The following VAMP7 variants were observed in gnomAD, a reference collection of about 807,000 sequenced individuals.
VAMP7 encodes the protein vesicle-associated membrane protein 7.
In VAMP7, 14 loss-of-function variants were observed where a neutral mutation model predicts 29.6. The observed-to-expected ratio is 0.47, with a 90% CI of 0.31 to 0.74. VAMP7 has a LOEUF of 0.74. VAMP7 is among the 30% of genes least tolerant of loss of function. The pLI is 0.05. For synonymous variants in VAMP7, 95 were observed against 88.1 expected, an observed-to-expected ratio of 1.08 and a Z score of -0.44; for missense variants, 223 against 262.4, an observed-to-expected ratio of 0.85 and a Z score of 1.04.
chrX:155,892,049 G>C (rs1406751027), intron 2 of VAMP7, among the ~76,000 whole-genome samples: 2 of 152,094 alleles, frequency 1.3e-5, no homozygotes, highest in African/African-American at 4.8e-5. Flanking sequence ...TGTATTATGA[G>C]CCAGAATTTA....
chrX:155,892,741 G>GTGT (rs2065939664), intron 2 of VAMP7, among the ~76,000 whole-genome samples: 1 of 145,890 alleles, frequency 6.9e-6, no homozygotes, highest in South Asian at 2.2e-4. Flanking sequence ...TTTTCACACT[G>GTGT]TATTATTATT....
Position 155,909,633 on chromosome X carries a change from T to C in VAMP7, c.433+9046T>C, listed in dbSNP as rs146938230. On this transcript the variant is annotated intron_variant, in intron 5 of 7. Coordinates refer to ENST00000286448, the MANE Select transcript of VAMP7 (RefSeq NM_005638.6). Reference sequence around the variant, plus strand: ...CTGCCATAACAAAATTCCATAGACGTAGTGACTTAAACAACAGAAATTTAT... The same window carrying C: ...CTGCCATAACAAAATTCCATAGACGCAGTGACTTAAACAACAGAAATTTAT... Among the ~76,000 whole-genome samples, 24 of 152,312 alleles carry C rather than the reference T, an allele frequency of 1.6e-4. No individual in the cohort carries two copies. In the East Asian group the frequency reaches 4.4e-3, roughly 28 times the overall value.
chrX:155,935,298 C>G, intron 6 of VAMP7, among the ~76,000 whole-genome samples: 1 of 152,094 alleles, frequency 6.6e-6, no homozygotes. Flanking sequence ...AGAGTGTTTT[C>G]CAACTTGGTT....
At chrX:155,916,180 C>G (rs1216172458) in intron 5 of VAMP7, among the ~76,000 whole-genome samples, 1 of 152,128 alleles carries the variant, frequency 6.6e-6, no homozygotes, top group Non-Finnish European at 1.5e-5. Context: ...ATTGCAGCCA[C>G]TGCTTTTTTT....
intron 6 of VAMP7, among the ~76,000 whole-genome samples, chrX:155,928,880 T>G (rs1188713123): frequency 6.6e-6 from 1 of 152,240 alleles, no homozygotes; most frequent in Non-Finnish European, 1.5e-5. Context: ...ATGTTCGGAT[T>G]TATTAGTTTC....
intron 2 of VAMP7, among the ~76,000 whole-genome samples, chrX:155,894,303 T>G (rs1368306760): frequency 7.0e-6 from 1 of 143,080 alleles, no homozygotes; most frequent in African/African-American, 2.6e-5. Flanking sequence ...TGTCCTTTGT[T>G]TTTTTTTTTT....
intron 4 of VAMP7, 49 bp from the exon 5 acceptor site, chrX:155,900,448 A>T: frequency 1.4e-6 from 2 of 1,425,456 alleles, no homozygotes; most frequent in Admixed American, 2.1e-5. Context: ...TTGTTTTCCT[A>T]TTGTAAATAA....
At chrX:155,915,801 A>C (rs1211165403) in intron 5 of VAMP7, among the ~76,000 whole-genome samples, 1 of 152,172 alleles carries the variant, frequency 6.6e-6, no homozygotes, top group East Asian at 1.9e-4. Flanking sequence ...TCAACTTTAG[A>C]ATAAGTGCAA....
chrX:155,898,379 A>C, intron 4 of VAMP7, 130 bp downstream of exon 4: 1 of 1,252,866 alleles, frequency 8.0e-7, no homozygotes, highest in Non-Finnish European at 1.1e-6. Context: ...ACATAATAAA[A>C]CTTCCCTGAT....
At chrX:155,894,589 C>T (rs1267664120) in intron 2 of VAMP7, among the ~76,000 whole-genome samples, 1 of 151,864 alleles carries the variant, frequency 6.6e-6, no homozygotes, top group East Asian at 1.9e-4. Context: ...TGCTTCCTCT[C>T]TGGAAAAACT....
At chrX:155,916,691 TC>T (rs2066318882) in intron 5 of VAMP7, among the ~76,000 whole-genome samples, 1 of 152,200 alleles carries the variant, frequency 6.6e-6, no homozygotes, top group Non-Finnish European at 1.5e-5. Flanking sequence ...GCCCCCAGTC[TC>T]TTCTGGCTTG....
chrX:155,919,364 G>A (rs192219977), intron 5 of VAMP7, among the ~76,000 whole-genome samples: 136 of 152,014 alleles, frequency 8.9e-4, no homozygotes, highest in African/African-American at 2.9e-3. Context: ...ATTTCTTCTG[G>A]GTTTTCAAGT....
intron 5 of VAMP7, among the ~76,000 whole-genome samples, chrX:155,901,234 T>A (rs917340771): frequency 6.6e-6 from 1 of 152,076 alleles, no homozygotes; most frequent in African/African-American, 2.4e-5. Context: ...CGCAAACGTT[T>A]TCGTGGTTCT....
intron 6 of VAMP7, among the ~76,000 whole-genome samples, chrX:155,932,980 G>C (rs1483946085): frequency 6.6e-6 from 1 of 152,162 alleles, no homozygotes; most frequent in South Asian, 2.1e-4. Context: ...TTTGTCTTTG[G>C]TTCTGTTTAT....
chrX:155,888,962 A>G (rs1187702467), intron 1 of VAMP7, among the ~76,000 whole-genome samples: 1 of 152,192 alleles, frequency 6.6e-6, no homozygotes, highest in Admixed American at 6.5e-5. Context: ...ATTATAAAGT[A>G]TTTAAAATGG....
At chrX:155,932,422 A>T (rs772487202) in intron 6 of VAMP7, among the ~76,000 whole-genome samples, 3 of 152,252 alleles carry the variant, frequency 2.0e-5, no homozygotes, top group East Asian at 1.9e-4. Flanking sequence ...GAGGTCCTTC[A>T]CATCCCTTGT....
At chrX:155,903,809 G>T (rs1361885328) in intron 5 of VAMP7, among the ~76,000 whole-genome samples, 1 of 152,014 alleles carries the variant, frequency 6.6e-6, no homozygotes, top group Non-Finnish European at 1.5e-5. Context: ...GATTCCTCAG[G>T]GATCTAGAAC....
At chrX:155,935,184 T>C (rs181843584) in intron 6 of VAMP7, among the ~76,000 whole-genome samples, 395 of 152,136 alleles carry the variant, frequency 2.6e-3, no homozygotes, top group African/African-American at 9.1e-3. Flanking sequence ...TGTCTCGGAG[T>C]TGCTCTTCTC....
In VAMP7 at chrX:155,898,238, G is replaced by A; in HGVS notation, c.331G>A (p.Ala111Thr). Residue 111 changes from alanine (A) to threonine (T), a missense_variant, in exon 4 of 8, where the codon GCT becomes ACT. Coordinates refer to ENST00000286448, the MANE Select transcript of VAMP7 (RefSeq NM_005638.6). ...GAATAGCGAGTTCTCAAGTGTCTTA[G>A]CTGCACAGCTGGTAAGATCTTTCTC... The part of the protein sequence containing the change: ...AMNSEFSSVL[A>T]AQLKHHSENK... 1 of 1,613,280 alleles carries A rather than the reference G, an allele frequency of 6.2e-7. No individual in the cohort carries two copies. The highest frequency in any genetic ancestry group is 8.5e-7 in the Non-Finnish European group (1 of 1,179,496).
Sources: allele counts gnomAD v4.1 joint callset (sites outside exome capture counted in the v4.1 genomes callset), GRCh38; gene constraint gnomAD v4.1.1; transcripts MANE v1.5; gene names NCBI Gene and HGNC (gene_info 2026-07-23, HGNC 2026-07-21).